The following LMX1A variants were observed in gnomAD, a reference collection of about 807,000 sequenced individuals.
The protein encoded by LMX1A is LIM homeobox transcription factor 1 alpha.
A neutral mutation model predicts 49.1 loss-of-function variants in LMX1A; 15 were observed. The ratio of observed to expected loss-of-function variants is 0.31; its 90% confidence interval spans 0.20 to 0.47. The LOEUF is 0.47. LMX1A is among the 20% of genes least tolerant of loss of function. The probability of loss-of-function intolerance (pLI) is 1.00; values close to 1 mark genes in which losing one functional copy is unlikely to be tolerated. For synonymous variants in LMX1A, 167 were observed against 185.7 expected (o/e 0.90, Z 0.82); for missense variants, 372 against 475.8 (o/e 0.78, Z 2.03).
chr1:165,251,266 A>G (rs1653052254), intron 3 of LMX1A, among the ~76,000 whole-genome samples: 1 of 152,062 alleles, frequency 6.6e-6, no homozygotes, highest in Non-Finnish European at 1.5e-5. Flanking sequence ...TATTTTTAGT[A>G]GAGATGAGGT....
intron 3 of LMX1A, among the ~76,000 whole-genome samples, chr1:165,250,033 C>T: frequency 1.0e-5 from 1 of 99,758 alleles, no homozygotes; most frequent in East Asian, 3.1e-4. Context: ...TGAACAATGA[C>T]ACATGGACAC....
intron 3 of LMX1A, among the ~76,000 whole-genome samples, chr1:165,318,225 G>T (rs1013810277): frequency 6.6e-6 from 1 of 152,202 alleles, no homozygotes; most frequent in African/African-American, 2.4e-5. Flanking sequence ...TAAAAATCAT[G>T]AGGAAAGAGC....
chr1:165,292,551 G>A (rs1654504432), intron 3 of LMX1A, among the ~76,000 whole-genome samples: 1 of 152,226 alleles, frequency 6.6e-6, no homozygotes, highest in Non-Finnish European at 1.5e-5. Flanking sequence ...TATTGAGACT[G>A]TGGCATCAAT....
intron 3 of LMX1A, among the ~76,000 whole-genome samples, chr1:165,304,511 G>A (rs994069194): frequency 6.6e-5 from 10 of 152,144 alleles, no homozygotes; most frequent in Admixed American, 2.0e-4. Flanking sequence ...AATCAGTTAT[G>A]ATTGGGTCTG....
rs750406000 is a variant in LMX1A, at chr1:165,205,922, A to T, written c.930T>A (p.Asp310Glu). The T allele has an allele frequency of 1.9e-6, 3 of 1,613,958 alleles. No individual in the cohort carries two copies. Among genetic ancestry groups the T allele is most frequent in the Non-Finnish European group, 2.5e-6 (3 of 1,179,978 alleles). ...GTGGGGTGAGACCCTGTCGGAAGGG[A>T]TCTGAGCTGTAGACACTCTGCTCGA... Reference protein sequence around the residue: ...LAIEQSVYSSDPFRQGLTPPQ... With the variant: ...LAIEQSVYSSEPFRQGLTPPQ... The change falls in exon 8 of 9, where the codon GAT becomes GAA. Residue 310 changes from aspartate to glutamate, a missense_variant. Asp to Glu is a conservative substitution (Grantham distance 45). This residue lies in a region of LMX1A where 127 missense variants were observed against 138.0 expected (regional missense o/e 0.92). Transcript: ENST00000342310.
chr1:165,331,269 AT>A (rs1655734878), intron 3 of LMX1A, among the ~76,000 whole-genome samples: 1 of 152,226 alleles, frequency 6.6e-6, no homozygotes, highest in African/African-American at 2.4e-5. Flanking sequence ...ATGATAGGAA[AT>A]ACCAGAGAAA....
chr1:165,261,926 C>T (rs1242893817), intron 3 of LMX1A, among the ~76,000 whole-genome samples: 1 of 152,066 alleles, frequency 6.6e-6, no homozygotes. Flanking sequence ...GATAAAAAGA[C>T]TTATGTGGAT....
chr1:165,269,468 T>C (rs1653722853), intron 3 of LMX1A, among the ~76,000 whole-genome samples: 1 of 152,214 alleles, frequency 6.6e-6, no homozygotes, highest in African/African-American at 2.4e-5. Flanking sequence ...AGCTCAACCA[T>C]TGTGGAAGAC....
chr1:165,276,614 C>T (rs1297149248), intron 3 of LMX1A, among the ~76,000 whole-genome samples: 9 of 150,824 alleles, frequency 6.0e-5, no homozygotes, highest in Non-Finnish European at 1.2e-4. Context: ...ACTAAAGTCA[C>T]GTTAGACAGT....
intron 3 of LMX1A, among the ~76,000 whole-genome samples, chr1:165,329,801 T>G (rs1363465070): frequency 6.6e-6 from 1 of 152,136 alleles, no homozygotes; most frequent in Non-Finnish European, 1.5e-5. Flanking sequence ...ATAAAATAAT[T>G]TATAGAGTTA....
chr1:165,281,625 G>T (rs185032504), intron 3 of LMX1A, among the ~76,000 whole-genome samples: 22 of 152,314 alleles, frequency 1.4e-4, no homozygotes, highest in African/African-American at 5.3e-4. Flanking sequence ...CTTTATGAAT[G>T]ATGGCTGCAA....
At chr1:165,342,943 G>A (rs911753152) in intron 3 of LMX1A, among the ~76,000 whole-genome samples, 2 of 151,976 alleles carry the variant, frequency 1.3e-5, no homozygotes, top group Non-Finnish European at 2.9e-5. Flanking sequence ...CGTGACCTTG[G>A]GCAAGTTGTT....
chr1:165,356,055 C>G (rs1313913191), intron 1 of LMX1A: 1 of 154,670 alleles, frequency 6.5e-6, no homozygotes, highest in African/African-American at 2.4e-5. Context: ...CCAGCCGCCC[C>G]GTTGCGGCCC....
intron 4 of LMX1A, among the ~76,000 whole-genome samples, chr1:165,228,156 T>C (rs1206351140): frequency 6.6e-6 from 1 of 152,198 alleles, no homozygotes; most frequent in Non-Finnish European, 1.5e-5. Flanking sequence ...TAAGCATAGA[T>C]TGAAAACAGT....
intron 3 of LMX1A, among the ~76,000 whole-genome samples, chr1:165,336,219 G>A (rs7512970): frequency 0.8 from 120,979 of 152,034 alleles, 48,507 homozygotes; most frequent in Middle Eastern, 0.91. Flanking sequence ...TTGGGGTTAA[G>A]GGTTCTCTAT....
chr1:165,241,383 T>G (rs1661129291), intron 4 of LMX1A, among the ~76,000 whole-genome samples: 1 of 152,244 alleles, frequency 6.6e-6, no homozygotes, highest in Admixed American at 6.5e-5. Flanking sequence ...TAATGGTAAC[T>G]GTCATTTATT....
intron 3 of LMX1A, among the ~76,000 whole-genome samples, chr1:165,343,442 C>G (rs1210656165): frequency 6.6e-6 from 1 of 151,104 alleles, no homozygotes; most frequent in East Asian, 1.9e-4. Flanking sequence ...AACACCCAAT[C>G]CTGTAGAGTA....
At chr1:165,297,285 G>C (rs774426457) in intron 3 of LMX1A, among the ~76,000 whole-genome samples, 1 of 152,200 alleles carries the variant, frequency 6.6e-6, no homozygotes, top group Non-Finnish European at 1.5e-5. Context: ...AACCAGGTGA[G>C]TTTTTAAAAA....
chr1:165,232,456 G>A (rs1046813155), intron 4 of LMX1A, among the ~76,000 whole-genome samples: 12 of 152,322 alleles, frequency 7.9e-5, no homozygotes, highest in Admixed American at 4.6e-4. Context: ...GCATTCTGGA[G>A]AGCCATGAGA....
Sources: allele counts gnomAD v4.1 joint callset (sites outside exome capture counted in the v4.1 genomes callset), GRCh38; gene constraint gnomAD v4.1.1; regional missense constraint gnomAD v4.1.1; transcripts MANE v1.5; gene names NCBI Gene and HGNC (gene_info 2026-07-23, HGNC 2026-07-21).